Variants in EIF4E observed in about 807,000 individuals in gnomAD.
EIF4E encodes the protein eIF-4F 25 kDa subunit.
For synonymous variants in EIF4E, 71 were observed against 88.5 expected, an observed-to-expected ratio of 0.80 and a Z score of 1.11; for missense variants, 113 against 265.6, an observed-to-expected ratio of 0.43 and a Z score of 3.99.
chr4:98,917,083 A>AACACACAC (rs751653561), intron 1 of EIF4E, among the ~76,000 whole-genome samples: 261 of 102,980 alleles, frequency 2.5e-3, no homozygotes, highest in Middle Eastern at 4.7e-3. Flanking sequence ...ACCTTTTCTA[A>AACACACAC]ACACACACAC....
intron 1 of EIF4E, among the ~76,000 whole-genome samples, chr4:98,913,034 C>T (rs762746737): frequency 3.9e-5 from 6 of 151,946 alleles, no homozygotes; most frequent in East Asian, 1.9e-4. Flanking sequence ...ATGGTGAAAC[C>T]GCGTCTCTAC....
chr4:98,890,254 G>A (rs561626265), intron 3 of EIF4E, among the ~76,000 whole-genome samples: 2 of 152,210 alleles, frequency 1.3e-5, no homozygotes, highest in South Asian at 4.1e-4. Context: ...AATATCTTGA[G>A]GGGGTTACAT....
At chr4:98,892,482 C>T (rs904058088) in intron 2 of EIF4E, among the ~76,000 whole-genome samples, 5 of 151,604 alleles carry the variant, frequency 3.3e-5, no homozygotes, top group African/African-American at 1.2e-4. Context: ...AGTTCGAGAC[C>T]AGCCTGGCCA....
At chr4:98,909,083 G>A (rs1446533510) in intron 1 of EIF4E, among the ~76,000 whole-genome samples, 2 of 152,116 alleles carry the variant, frequency 1.3e-5, no homozygotes, top group African/African-American at 4.8e-5. Context: ...GCCAATGCAT[G>A]TGACTGCCAA....
At position 98,881,139 on chromosome 4, in the gene EIF4E, C is replaced by T; in HGVS notation, c.543G>A (p.Arg181=). ...GAAGTCCTAACCTTTCCTTGTATAC[C>T]CTCCTAGAAGAAAAAAAAAAAGAAG... ...ENREAVTHIG[R]VYKERLGLPP... The change falls in exon 7 of 7, where the codon AGG becomes AGA. Residue 181 remains arginine (R), a synonymous_variant. Coordinates refer to ENST00000450253, the MANE Select transcript of EIF4E (RefSeq NM_001968.5). 6.2e-7 allele frequency: 1 copy of T among 1,609,726 alleles called. No homozygotes were observed.
At chr4:98,918,390 TTAAAGA>T (rs1394503757) in intron 1 of EIF4E, among the ~76,000 whole-genome samples, 1 of 146,276 alleles carries the variant, frequency 6.8e-6, no homozygotes, top group Admixed American at 6.8e-5. Context: ...GAAAAAAAAA[TTAAAGA>T]TAAAAGAAAA....
intron 1 of EIF4E, among the ~76,000 whole-genome samples, chr4:98,920,143 T>C (rs752271742): frequency 2.8e-4 from 42 of 152,264 alleles, no homozygotes; most frequent in Non-Finnish European, 4.3e-4. Context: ...TTGGGGAAGA[T>C]AGGCAGGAGA....
chr4:98,920,015 G>A (rs1264125847), intron 1 of EIF4E, among the ~76,000 whole-genome samples: 2 of 152,222 alleles, frequency 1.3e-5, no homozygotes, highest in African/African-American at 4.8e-5. Flanking sequence ...AGTGGCTACT[G>A]TATTGGACAG....
chr4:98,884,796 T>C, intron 6 of EIF4E, 126 bp downstream of exon 6: 1 of 1,318,198 alleles, frequency 7.6e-7, no homozygotes, highest in Admixed American at 2.1e-5. Context: ...TATAAAAGTG[T>C]TCACGAAAAC....
chr4:98,891,816 T>C (rs1385351719), intron 2 of EIF4E, among the ~76,000 whole-genome samples: 1 of 152,182 alleles, frequency 6.6e-6, no homozygotes, highest in Admixed American at 6.5e-5. Context: ...CACAAAAATT[T>C]AGGGAAAAAA....
intron 1 of EIF4E, among the ~76,000 whole-genome samples, chr4:98,919,196 A>G (rs897791854): frequency 7.9e-5 from 12 of 151,834 alleles, no homozygotes; most frequent in Admixed American, 2.6e-4. Flanking sequence ...AGTCCCAGCT[A>G]CTCAGGAGGC....
rs771705281 is a variant in EIF4E at position 98,901,935 on chromosome 4, C to T, written c.66G>A (p.Thr22=). The change falls in exon 2 of 7, where the codon ACG becomes ACA. Residue 22 remains threonine (T), a synonymous_variant. Transcript: ENST00000450253. ...GGTTAGCAACCTCCTGATTAGATTCCGTTTTCTCCTCTTCTGTAGTCGGGG... is the reference window on the plus strand; with the variant it reads ...GGTTAGCAACCTCCTGATTAGATTCTGTTTTCTCCTCTTCTGTAGTCGGGG... ...PNPPTTEEEK[T]ESNQEVANPE... 10 of 1,612,976 alleles carry T rather than the reference C, an allele frequency of 6.2e-6. No individual in the cohort carries two copies. Among genetic ancestry groups the T allele is most frequent in the Admixed American group, 5.0e-5 (3 of 59,984 alleles).
chr4:98,918,710 A>G (rs942354528), intron 1 of EIF4E, among the ~76,000 whole-genome samples: 1 of 152,266 alleles, frequency 6.6e-6, no homozygotes, highest in Non-Finnish European at 1.5e-5. Context: ...ATAGTGTAAC[A>G]TATACCATCA....
intron 3 of EIF4E, among the ~76,000 whole-genome samples, chr4:98,889,339 G>A (rs1388667184): frequency 6.6e-6 from 1 of 152,000 alleles, no homozygotes; most frequent in East Asian, 1.9e-4. Flanking sequence ...AAAAAAAGAC[G>A]GGATACTAAG....
chr4:98,916,410 C>T lies in EIF4E; in HGVS notation c.18+12685G>A, dbSNP rs115486073. Among the ~76,000 whole-genome samples the T allele has an allele frequency of 7.4e-3, 1,120 of 151,626 alleles. 14 individuals carry two copies. Among genetic ancestry groups the T allele is most frequent in the African/African-American group, 0.025 (1,028 of 41,280 alleles). On this transcript the variant is annotated intron_variant, in intron 1 of 6. Transcript: ENST00000450253. ...AAATGAAATTTCCCAGAGAACTAGT[C>T]CAAGAGATCTAATATCTGAGTAACT...
At position 98,880,976 on chromosome 4, in the gene EIF4E, A is replaced by C; in HGVS notation, c.*52T>G. ...TGAAGAGGCTTTGGTTCAGCTCCCA[A>C]ATCTCGATTGCTTGACGCAGTCTCC... On this transcript the variant is annotated 3_prime_UTR_variant, in exon 7 of 7. Transcript: ENST00000450253. 1 of 1,549,924 alleles carries C rather than the reference A, an allele frequency of 6.5e-7. No individual in the cohort carries two copies. The highest frequency in any genetic ancestry group is 8.7e-7 in the Non-Finnish European group (1 of 1,150,112).
intron 1 of EIF4E, among the ~76,000 whole-genome samples, chr4:98,914,062 C>T (rs989689331): frequency 1.4e-5 from 2 of 148,112 alleles, no homozygotes; most frequent in Admixed American, 6.7e-5. Flanking sequence ...AAAATGAGCA[C>T]TTAAAAAAAA....
intron 2 of EIF4E, among the ~76,000 whole-genome samples, chr4:98,899,557 T>G (rs1006578408): frequency 3.9e-5 from 6 of 152,178 alleles, no homozygotes; most frequent in Non-Finnish European, 8.8e-5. Flanking sequence ...AGATCTGAAA[T>G]TTTACCCTAT....
At position 98,902,544 on chromosome 4, in the gene EIF4E, C is replaced by CT. The variant is rs199991192; in HGVS notation, c.19-563dup. Among the ~76,000 whole-genome samples, 1,165 of 150,038 alleles carry CT rather than the reference C, an allele frequency of 7.8e-3. 10 individuals carry two copies. The highest frequency in any genetic ancestry group is 0.026 in the African/African-American group (1,052 of 40,954). ...ATTTATAGTTATCCTTCCACTTGCA[C>CT]TTTTTTTTTTAAATAGCAGGAAGAC... On this transcript the variant is annotated intron_variant, in intron 1 of 6. Coordinates refer to ENST00000450253, the MANE Select transcript of EIF4E (RefSeq NM_001968.5).
Sources: gnomAD v4.1 joint callset for allele counts (sites outside exome capture counted in the v4.1 genomes callset) on GRCh38, gnomAD v4.1.1 for gene constraint, MANE v1.5 for transcripts, NCBI Gene and HGNC (gene_info 2026-07-23, HGNC 2026-07-21) for gene names.